STPG2: variants seen among roughly 807,000 people sequenced by gnomAD.
The protein encoded by STPG2 is sperm-tail PG-rich repeat-containing protein 2.
A neutral mutation model predicts 54.2 loss-of-function variants in STPG2; 56 were observed. That is an observed-to-expected ratio of 1.03 (90% CI 0.83 to 1.29). The LOEUF is 1.29. Ranked by LOEUF, STPG2 falls within the 50% of genes most tolerant of loss-of-function variation. The pLI is 0.00. For missense variants in STPG2, 596 were observed against 544.9 expected, an observed-to-expected ratio of 1.09 and a Z score of -0.93; for synonymous variants, 200 against 181.8, an observed-to-expected ratio of 1.10 and a Z score of -0.81.
intron 7 of STPG2, among the ~76,000 whole-genome samples, chr4:97,958,880 G>A (rs1448475475): frequency 6.6e-6 from 1 of 152,154 alleles, no homozygotes; most frequent in Non-Finnish European, 1.5e-5. Flanking sequence ...GGACTTAACA[G>A]ATCTTTACAG....
intron 10 of STPG2, among the ~76,000 whole-genome samples, chr4:97,637,006 T>G (rs957461795): frequency 2.0e-5 from 3 of 152,164 alleles, no homozygotes; most frequent in African/African-American, 7.2e-5. Flanking sequence ...GCCAGCATCA[T>G]CCTGATACCA....
chr4:98,091,928 G>A (rs1041796882), intron 5 of STPG2, among the ~76,000 whole-genome samples: 3 of 151,972 alleles, frequency 2.0e-5, no homozygotes, highest in African/African-American at 7.2e-5. Context: ...AATGCAGTGT[G>A]ATTCCAAAGT....
intron 5 of STPG2, among the ~76,000 whole-genome samples, chr4:98,095,246 G>C (rs549803742): frequency 6.6e-6 from 1 of 152,036 alleles, no homozygotes. Flanking sequence ...AGACAGGAAG[G>C]CATGAAAAAA....
At chr4:98,027,173 A>T (rs1736449243) in intron 5 of STPG2, among the ~76,000 whole-genome samples, 1 of 152,230 alleles carries the variant, frequency 6.6e-6, no homozygotes, top group African/African-American at 2.4e-5. Flanking sequence ...AATAAATACC[A>T]CAAATTTAGT....
chr4:98,032,907 G>C (rs535192685), intron 5 of STPG2, among the ~76,000 whole-genome samples: 1 of 151,814 alleles, frequency 6.6e-6, no homozygotes, highest in Non-Finnish European at 1.5e-5. Context: ...GAACAAAGAC[G>C]CATGTCCCAG....
intron 9 of STPG2, among the ~76,000 whole-genome samples, chr4:97,761,101 C>T (rs549163354): frequency 5.3e-5 from 8 of 152,308 alleles, no homozygotes; most frequent in African/African-American, 1.9e-4. Context: ...ATCTCATAGT[C>T]AACCAATTAG....
At chr4:97,452,152 CAGCTGT>C (rs1729393568) in intron 4 of STPG2, among the ~76,000 whole-genome samples, 1 of 136,888 alleles carries the variant, frequency 7.3e-6, no homozygotes, top group African/African-American at 2.7e-5. Flanking sequence ...AGCACAGCTG[CAGCTGT>C]AGCTATCCAA....
chr4:97,499,820 A>T (rs568660088), intron 4 of STPG2, among the ~76,000 whole-genome samples: 5 of 152,130 alleles, frequency 3.3e-5, no homozygotes, highest in Admixed American at 1.3e-4. Context: ...CAGGCGTGAG[A>T]AACAGCCAGC....
intron 1 of STPG2, among the ~76,000 whole-genome samples, chr4:98,137,066 G>A (rs764930420): frequency 1.6e-4 from 25 of 151,794 alleles, no homozygotes; most frequent in Non-Finnish European, 2.4e-4. Flanking sequence ...GAGATTGTCA[G>A]ATTGAATAAA....
intron 10 of STPG2, among the ~76,000 whole-genome samples, chr4:97,561,857 T>C (rs1732257938): frequency 6.6e-6 from 1 of 152,194 alleles, no homozygotes; most frequent in Non-Finnish European, 1.5e-5. Flanking sequence ...TGTAGTATAC[T>C]TTGAAGTCAG....
At chr4:97,992,276 T>C (rs1016637308) in intron 5 of STPG2, among the ~76,000 whole-genome samples, 2 of 152,092 alleles carry the variant, frequency 1.3e-5, no homozygotes, top group African/African-American at 4.8e-5. Context: ...GATTTTTGTA[T>C]ACAATGAGAG....
chr4:97,503,939 A>C (rs1016502157), intron 4 of STPG2, among the ~76,000 whole-genome samples: 3 of 119,466 alleles, frequency 2.5e-5, no homozygotes, highest in Non-Finnish European at 5.0e-5. Flanking sequence ...AATATTTTAA[A>C]AATATATTTT....
chr4:97,486,200 G>T (rs961809024), intron 4 of STPG2, among the ~76,000 whole-genome samples: 1 of 151,870 alleles, frequency 6.6e-6, no homozygotes, highest in African/African-American at 2.4e-5. Context: ...AAGAGCTTTT[G>T]CTTGGCAAAA....
intron 4 of STPG2, among the ~76,000 whole-genome samples, chr4:97,504,725 A>G (rs957257407): frequency 2.0e-5 from 3 of 152,008 alleles, no homozygotes; most frequent in Non-Finnish European, 4.4e-5. Flanking sequence ...AGTGCTTATA[A>G]GGAACTTCCT....
chr4:97,637,482 G>A (rs1341896530), intron 10 of STPG2, among the ~76,000 whole-genome samples: 1 of 152,142 alleles, frequency 6.6e-6, no homozygotes, highest in Non-Finnish European at 1.5e-5. Flanking sequence ...AGTGTTGGAA[G>A]TTCTGGCCAG....
intron 4 of STPG2, among the ~76,000 whole-genome samples, chr4:97,470,161 C>T (rs373345025): frequency 6.6e-6 from 1 of 151,920 alleles, no homozygotes; most frequent in East Asian, 1.9e-4. Context: ...TAATTCCAGC[C>T]TTCTCCCTCA....
At chr4:97,650,788 TC>T (rs1722043282) in intron 10 of STPG2, among the ~76,000 whole-genome samples, 1 of 152,150 alleles carries the variant, frequency 6.6e-6, no homozygotes, top group African/African-American at 2.4e-5. Context: ...GTGCGTATTT[TC>T]TCCCACGAAA....
At chr4:97,874,748 C>G (rs1194266413) in intron 8 of STPG2, among the ~76,000 whole-genome samples, 1 of 151,680 alleles carries the variant, frequency 6.6e-6, no homozygotes, top group East Asian at 1.9e-4. Context: ...CATTAAAGCC[C>G]TAATCCCAAA....
chr4:97,821,568 C>T (rs1370498216), intron 9 of STPG2, among the ~76,000 whole-genome samples: 6 of 152,200 alleles, frequency 3.9e-5, no homozygotes, highest in African/African-American at 1.2e-4. Context: ...CTCCACATTG[C>T]ACTAGTAGAG....
Sources: gnomAD v4.1 joint callset for allele counts (sites outside exome capture counted in the v4.1 genomes callset) on GRCh38, gnomAD v4.1.1 for gene constraint, MANE v1.5 for transcripts, NCBI Gene and HGNC (gene_info 2026-07-23, HGNC 2026-07-21) for gene names.